The following SLC4A4 variants were observed in gnomAD, a reference collection of about 807,000 sequenced individuals.
SLC4A4 encodes the protein electrogenic sodium bicarbonate cotransporter 1.
Under a neutral mutation model 111.5 loss-of-function variants are expected in SLC4A4, and 27 were observed. The observed-to-expected ratio is 0.24, with a 90% CI of 0.18 to 0.33. The LOEUF is 0.33. SLC4A4 is among the 10% of genes least tolerant of loss of function. The probability of loss-of-function intolerance (pLI) is 1.00; values close to 1 mark genes in which losing one functional copy is unlikely to be tolerated. For missense variants in SLC4A4, 909 were observed against 1,315.5 expected (o/e 0.69, Z 4.78); for synonymous variants, 443 against 463.4 (o/e 0.96, Z 0.57).
In SLC4A4 at chr4:71,567,183, G is replaced by A. The variant is rs1015916758; in HGVS notation, c.*36+100G>A. 1.4e-5 allele frequency: 13 copies of A among 932,866 alleles called. No homozygotes were observed. The Admixed American group carries it at 1.8e-4, about 13-fold the overall frequency. The allele number at this position is 932,866 out of a possible 1,614,324, so 57.8% of individuals were successfully genotyped here. A position where few individuals can be genotyped will look rare whatever the true frequency, so the allele number is the denominator to read the frequency against. ...TTGACAGAACTTCTTGTTCTCCTTC[G>A]TCTCTATTATTTATCTTAAATAAAT... On this transcript the variant is annotated intron_variant, in intron 25 of 25. Coordinates refer to ENST00000264485, the MANE Select transcript of SLC4A4 (RefSeq NM_001098484.3).
chr4:71,218,930 T>C (rs1718582695), intron 1 of SLC4A4, among the ~76,000 whole-genome samples: 1 of 152,222 alleles, frequency 6.6e-6, no homozygotes, highest in South Asian at 2.1e-4. Context: ...GAAGGGACTA[T>C]GCTGTCACTG....
At chr4:71,252,844 A>G (rs1721158007) in intron 2 of SLC4A4, among the ~76,000 whole-genome samples, 1 of 152,182 alleles carries the variant, frequency 6.6e-6, no homozygotes, top group Admixed American at 6.5e-5. Context: ...CAACTCTGTA[A>G]ATATACTAAA....
At chr4:71,375,316 C>T (rs1428802180) in intron 6 of SLC4A4, among the ~76,000 whole-genome samples, 1 of 152,182 alleles carries the variant, frequency 6.6e-6, no homozygotes, top group Non-Finnish European at 1.5e-5. Flanking sequence ...CCATAGTGAA[C>T]TAAAGTTGAT....
rs374948120 is a variant in SLC4A4, at chr4:71,282,078, TA to T, written c.253+26687del. 2.6e-3 allele frequency among the ~76,000 whole-genome samples: 392 copies of T among 151,910 alleles called. 1 individual carries two copies. The highest frequency in any genetic ancestry group is 9.0e-3 in the African/African-American group (372 of 41,444). ...TTTACTTCTTTTTAGTGAACCCTGT[TA>T]AAAAAAACCTTGAGAAGTTTGGCTT... On this transcript the variant is annotated intron_variant, in intron 3 of 25. Coordinates refer to ENST00000264485, the MANE Select transcript of SLC4A4 (RefSeq NM_001098484.3).
chr4:71,436,316 C>T lies in SLC4A4; in HGVS notation c.808-4300C>T, dbSNP rs147836507. Among the ~76,000 whole-genome samples the T allele has an allele frequency of 9.1e-3, 1,379 of 152,160 alleles. 24 individuals carry two copies. Among genetic ancestry groups the T allele is most frequent in the African/African-American group, 0.032 (1,329 of 41,506 alleles). On this transcript the variant is annotated intron_variant, in intron 7 of 25. Coordinates refer to ENST00000264485, the MANE Select transcript of SLC4A4 (RefSeq NM_001098484.3). The stretch of plus-strand genomic sequence containing the variant: ...AGCAAACTAACAGAAGAACAGAAAA[C>T]CAAGCACTGCATGTTCTCACTCGTA...
chr4:71,179,684 G>T (rs1745222865), intron 2 of SLC4A4, among the ~76,000 whole-genome samples: 1 of 152,096 alleles, frequency 6.6e-6, no homozygotes, highest in Non-Finnish European at 1.5e-5. Flanking sequence ...ACAAACCGCT[G>T]CTCAATGAAA....
intron 6 of SLC4A4, among the ~76,000 whole-genome samples, chr4:71,382,065 A>G (rs981194319): frequency 1.3e-5 from 2 of 152,212 alleles, no homozygotes; most frequent in Non-Finnish European, 2.9e-5. Context: ...CTCCCTCAAT[A>G]CAAATATTTA....
At chr4:71,360,800 A>G (rs1431482236) in intron 6 of SLC4A4, among the ~76,000 whole-genome samples, 1 of 152,196 alleles carries the variant, frequency 6.6e-6, no homozygotes, top group East Asian at 1.9e-4. Flanking sequence ...TATTTATATA[A>G]TGTGTGCTAC....
intron 13 of SLC4A4, among the ~76,000 whole-genome samples, chr4:71,468,565 T>C (rs1307151461): frequency 6.6e-6 from 1 of 152,046 alleles, no homozygotes; most frequent in African/African-American, 2.4e-5. Flanking sequence ...ATGCTTTAAA[T>C]CCATCACTTA....
Position 71,430,308 on chromosome 4 carries a change from G to A in SLC4A4, c.808-10308G>A, listed in dbSNP as rs374834222. Among the ~76,000 whole-genome samples, 80 of 152,196 alleles carry A rather than the reference G, an allele frequency of 5.3e-4. 1 individual carries two copies. The highest frequency in any genetic ancestry group is 1.8e-3 in the African/African-American group (75 of 41,546). The stretch of plus-strand genomic sequence containing the variant: ...ACCCATAAAGTCTGAGGACATTTAA[G>A]TACATTTGAGAGTAGGATTAGATGG... On this transcript the variant is annotated intron_variant, in intron 7 of 25. Coordinates refer to ENST00000264485, the MANE Select transcript of SLC4A4 (RefSeq NM_001098484.3).
intron 2 of SLC4A4, among the ~76,000 whole-genome samples, chr4:71,156,454 T>C (rs1322813475): frequency 6.6e-6 from 1 of 152,038 alleles, no homozygotes; most frequent in Non-Finnish European, 1.5e-5. Flanking sequence ...ATTTTGCAAA[T>C]AAAAATCATA....
chr4:71,090,440 C>G lies in SLC4A4; in HGVS notation c.-64-2290C>G, dbSNP rs545827707. Among the ~76,000 whole-genome samples the G allele has an allele frequency of 2.6e-5, 4 of 152,318 alleles. No homozygotes were observed. In the South Asian group the frequency reaches 8.3e-4, roughly 32 times the overall value. ...TCTGACACTCCCCAGTGAGATGAAC[C>G]TGGTACCTCGGTTGGAAATGCAGAA... On this transcript the variant is annotated intron_variant, in intron 1 of 26. Coordinates refer to the SLC4A4 transcript ENST00000649996.
At chr4:71,485,078 C>T (rs1433888156) in intron 14 of SLC4A4, among the ~76,000 whole-genome samples, 2 of 151,852 alleles carry the variant, frequency 1.3e-5, no homozygotes, top group African/African-American at 4.8e-5. Flanking sequence ...ATCATGTTGT[C>T]TGCAAACAGG....
At chr4:71,277,907 A>G (rs1723205097) in intron 3 of SLC4A4, among the ~76,000 whole-genome samples, 1 of 152,246 alleles carries the variant, frequency 6.6e-6, no homozygotes, top group South Asian at 2.1e-4. Context: ...CAATCAAGTT[A>G]CTTAACACAG....
rs1720054969 is a variant in SLC4A4 at position 71,239,688 on chromosome 4, C to T, written c.73+3039C>T. ...GGCATATATTTAAAGGCCTAAACCTCATTGTCACATAATTTTCTTCATGTG... is the reference window on the plus strand; with the variant it reads ...GGCATATATTTAAAGGCCTAAACCTTATTGTCACATAATTTTCTTCATGTG... On this transcript the variant is annotated intron_variant, in intron 2 of 25. Coordinates refer to ENST00000264485, the MANE Select transcript of SLC4A4 (RefSeq NM_001098484.3). 2.0e-5 allele frequency among the ~76,000 whole-genome samples: 3 copies of T among 152,172 alleles called. No individual in the cohort carries two copies. In the South Asian group the frequency reaches 6.2e-4, roughly 32 times the overall value.
At chr4:71,509,999 C>T (rs1731770133) in intron 16 of SLC4A4, among the ~76,000 whole-genome samples, 1 of 152,102 alleles carries the variant, frequency 6.6e-6, no homozygotes, top group Non-Finnish European at 1.5e-5. Flanking sequence ...CATGCCATAG[C>T]ACCTTAGTTT....
intron 3 of SLC4A4, among the ~76,000 whole-genome samples, chr4:71,265,132 A>G (rs776534084): frequency 6.6e-6 from 1 of 152,204 alleles, no homozygotes; most frequent in Non-Finnish European, 1.5e-5. Flanking sequence ...AAAAACATCT[A>G]AGCAGTTAAT....
At chr4:71,301,023 G>A in intron 3 of SLC4A4, 1 of 438,750 alleles carries the variant, frequency 2.3e-6, no homozygotes, top group Non-Finnish European at 4.6e-6. Context: ...ATGCTTGCCA[G>A]CCCACTAGAA....
intron 2 of SLC4A4, among the ~76,000 whole-genome samples, chr4:71,177,911 C>A (rs1415488170): frequency 6.6e-6 from 1 of 152,086 alleles, no homozygotes; most frequent in Non-Finnish European, 1.5e-5. Flanking sequence ...TATTTCAAAA[C>A]TGACCACATA....
Sources: gnomAD v4.1 joint callset for allele counts (sites outside exome capture counted in the v4.1 genomes callset) on GRCh38, gnomAD v4.1.1 for gene constraint, MANE v1.5 for transcripts, NCBI Gene and HGNC (gene_info 2026-07-23, HGNC 2026-07-21) for gene names.